The following JPT1 variants were observed in gnomAD, a reference collection of about 807,000 sequenced individuals.
JPT1 encodes Jupiter microtubule associated homolog 1, also known as androgen-regulated protein 2.
Under a neutral mutation model 17.0 loss-of-function variants are expected in JPT1, and 5 were observed. The ratio of observed to expected loss-of-function variants is 0.29; its 90% CI spans 0.15 to 0.62. The LOEUF (loss-of-function observed/expected upper bound fraction) is 0.62, where lower values mean the gene tolerates loss of function less well. JPT1 is among the 20% of genes least tolerant of loss of function. The pLI, the probability that JPT1 is intolerant of heterozygous loss-of-function variation, is 0.85. For missense variants in JPT1, 158 were observed against 188.1 expected (o/e 0.84, Z 0.94); for synonymous variants, 71 against 73.6 (o/e 0.96, Z 0.18).
intron 4 of JPT1, chr17:75,142,616 A>AGGAGGGGAG (rs372163854): frequency 4.8e-6 from 1 of 208,172 alleles, no homozygotes; most frequent in South Asian, 2.4e-5. Context: ...AGGGGGAGAG[A>AGGAGGGGAG]GGAGGGGAGG....
rs571362343 is a variant in JPT1, at chr17:75,151,118, C to T, written c.57-2447G>A. On this transcript the variant is annotated intron_variant, in intron 1 of 4. Coordinates refer to ENST00000409753, the MANE Select transcript of JPT1 (RefSeq NM_016185.4). ...CTGCCCGCCTCGGCCTCCCAAAGTG[C>T]TGGGATTACAGGCGTGAGCCACCGC... Among the ~76,000 whole-genome samples, 506 of 151,970 alleles carry T rather than the reference C, an allele frequency of 3.3e-3. 1 individual carries two copies. Among genetic ancestry groups the T allele is most frequent in the African/African-American group, 0.011 (475 of 41,522 alleles).
intron 4 of JPT1, among the ~76,000 whole-genome samples, chr17:75,140,573 G>T (rs1203445950): frequency 6.6e-6 from 1 of 152,080 alleles, no homozygotes; most frequent in Non-Finnish European, 1.5e-5. Context: ...GCGTTTAATT[G>T]CCCAAGAGGT....
intron 1 of JPT1, chr17:75,152,873 CA>C (rs2074575779): frequency 6.6e-6 from 1 of 152,152 alleles, no homozygotes; most frequent in Non-Finnish European, 1.5e-5. Flanking sequence ...CCCATCCTCC[CA>C]GTAATCACCA....
chr17:75,143,320 A>C (rs1298818606), intron 4 of JPT1, among the ~76,000 whole-genome samples: 1 of 152,168 alleles, frequency 6.6e-6, no homozygotes, highest in Non-Finnish European at 1.5e-5. Context: ...AGCACTTTGG[A>C]AAGCCAAAGC....
chr17:75,137,293 A>G (rs905678305), intron 4 of JPT1, among the ~76,000 whole-genome samples: 8 of 151,718 alleles, frequency 5.3e-5, no homozygotes, highest in Non-Finnish European at 1.0e-4. Context: ...AACTTTTACT[A>G]AGAGCTTAAT....
At chr17:75,149,883 A>ACACACACT (rs1355607337) in intron 1 of JPT1, among the ~76,000 whole-genome samples, 2 of 149,602 alleles carry the variant, frequency 1.3e-5, no homozygotes, top group Non-Finnish European at 3.0e-5. Flanking sequence ...ACACACACAC[A>ACACACACT]CTTAAGTCAG....
Position 75,135,926 on chromosome 17 carries a change from C to T in JPT1, c.*176G>A. 1 of 1,415,162 alleles carries T rather than the reference C, an allele frequency of 7.1e-7. No individual in the cohort carries two copies. The allele number at this position is 1,415,162 out of a possible 1,614,324, so 87.7% of individuals were successfully genotyped here. The stretch of plus-strand genomic sequence containing the variant: ...ACACTCATGCCATGGCCCACAGACC[C>T]AAGAGTCAAGGACAGAGAGAAACCT... On this transcript the variant is annotated 3_prime_UTR_variant, in exon 5 of 5. Transcript: ENST00000409753.
chr17:75,146,489 C>T, intron 4 of JPT1, 177 bp downstream of exon 4: 1 of 522,256 alleles, frequency 1.9e-6, no homozygotes, highest in South Asian at 2.9e-5. Flanking sequence ...TGTTTTTTCC[C>T]TTCTATTATG....
Position 75,136,524 on chromosome 17 carries a change from C to T in JPT1, c.317-274G>A, listed in dbSNP as rs148741216. 7.2e-4 allele frequency among the ~76,000 whole-genome samples: 109 copies of T among 152,174 alleles called. 1 individual carries two copies. The highest frequency in any genetic ancestry group is 1.6e-3 in the Admixed American group (24 of 15,280). On this transcript the variant is annotated intron_variant, in intron 4 of 4. Transcript: ENST00000409753. ...TTTGTTTTGTTTTTTGACGGAGTCT[C>T]GCTGTTGCCCAGGCTGGAGTGCAAT... is the stretch of plus-strand genomic sequence containing the variant.
chr17:75,136,445 T>TTA, intron 4 of JPT1, among the ~76,000 whole-genome samples, 195 bp from the exon 5 acceptor site: 1 of 152,322 alleles, frequency 6.6e-6, no homozygotes, highest in South Asian at 2.1e-4. Context: ...TATTTGTTGT[T>TTA]TATGTTCTTT....
chr17:75,147,280 A>G (rs1364765632), intron 3 of JPT1, among the ~76,000 whole-genome samples: 1 of 152,132 alleles, frequency 6.6e-6, no homozygotes, highest in South Asian at 2.1e-4. Context: ...ATGCTTCTAT[A>G]TATGAGACAC....
At chr17:75,147,974 C>T (rs1031656755) in intron 2 of JPT1, 3 of 284,430 alleles carry the variant, frequency 1.1e-5, no homozygotes, top group African/African-American at 2.1e-5. Flanking sequence ...ACTCTGTACT[C>T]CAGCCTGGGC....
In JPT1 at chr17:75,154,449, G is replaced by A. The variant is rs780792262; in HGVS notation, c.-52C>T. The stretch of plus-strand genomic sequence containing the variant: ...GCCGGAGCAGAACGCTCAAAGGGTC[G>A]GACCCGAGGGGCGCTGGGAAACTCC... On this transcript the variant is annotated 5_prime_UTR_variant, in exon 1 of 5. Transcript: ENST00000409753. The A allele has an allele frequency of 1.3e-6, 2 of 1,500,768 alleles. No individual in the cohort carries two copies. Among genetic ancestry groups the A allele is most frequent in the African/African-American group, 1.4e-5 (1 of 70,954 alleles). The allele number at this position is 1,500,768 out of a possible 1,614,324, so 93.0% of individuals were successfully genotyped here. A position where few individuals can be genotyped will look rare whatever the true frequency, so the allele number is the denominator to read the frequency against.
rs1405450939 is a variant in JPT1 at position 75,148,683 on chromosome 17, G to A, written c.57-12C>T. The A allele has an allele frequency of 1.9e-6, 3 of 1,613,262 alleles. No individual in the cohort carries two copies. The South Asian group carries it at 3.3e-5, about 18-fold the overall frequency. ...GAGGCCGCAAAACTCTGCAAATAAT[G>A]GCAAAACATCAACTTCAGATCATAC... On this transcript the variant is annotated splice_polypyrimidine_tract_variant and intron_variant, in intron 1 of 4. Coordinates refer to ENST00000409753, the MANE Select transcript of JPT1 (RefSeq NM_016185.4).
chr17:75,154,456 AG>A lies in JPT1; in HGVS notation c.-60del. The A allele has an allele frequency of 6.7e-7, 1 of 1,493,384 alleles. No individual in the cohort carries two copies. Among genetic ancestry groups the A allele is most frequent in the Non-Finnish European group, 9.0e-7 (1 of 1,107,442 alleles). The allele number at this position is 1,493,384 out of a possible 1,614,324, so 92.5% of individuals were successfully genotyped here. ...CAGAACGCTCAAAGGGTCGGACCCG[AG>A]GGGCGCTGGGAAACTCCACACCCAA... is the stretch of plus-strand genomic sequence containing the variant. On this transcript the variant is annotated 5_prime_UTR_variant, in exon 1 of 5. Coordinates refer to ENST00000409753, the MANE Select transcript of JPT1 (RefSeq NM_016185.4).
At chr17:75,136,402 TC>T in intron 4 of JPT1, 152 bp from the exon 5 acceptor site, 1 of 626,364 alleles carries the variant, frequency 1.6e-6, no homozygotes, top group Non-Finnish European at 2.7e-6. Flanking sequence ...ATGCTCCCAC[TC>T]CACAGAATTA....
At chr17:75,153,673 G>A (rs1204987211) in intron 1 of JPT1, 1 of 151,796 alleles carries the variant, frequency 6.6e-6, no homozygotes, top group East Asian at 2.0e-4. Context: ...GGAGACACTT[G>A]GAAGAGGGGA....
intron 1 of JPT1, among the ~76,000 whole-genome samples, chr17:75,150,850 T>TCTTTC: frequency 9.1e-6 from 1 of 109,388 alleles, no homozygotes; most frequent in African/African-American, 5.7e-5. Context: ...TTTCTTTCTT[T>TCTTTC]TTTTTTTTTT....
At chr17:75,140,020 C>T (rs1428263646) in intron 4 of JPT1, among the ~76,000 whole-genome samples, 3 of 152,036 alleles carry the variant, frequency 2.0e-5, no homozygotes, top group Admixed American at 1.3e-4. Context: ...CAGGTTCAAG[C>T]GATTCTCCTG....
Sources: gnomAD v4.1 joint callset for allele counts (sites outside exome capture counted in the v4.1 genomes callset) on GRCh38, gnomAD v4.1.1 for gene constraint, MANE v1.5 for transcripts, NCBI Gene and HGNC (gene_info 2026-07-23, HGNC 2026-07-21) for gene names.